Variants in PTPRD observed in about 807,000 individuals in gnomAD.
The protein encoded by PTPRD is receptor-type tyrosine-protein phosphatase delta.
PTPRD carries 34 observed loss-of-function variants against 214.5 expected under a neutral mutation model. That is an observed-to-expected ratio of 0.16 (90% CI 0.12 to 0.21). The LOEUF (loss-of-function observed/expected upper bound fraction) is 0.21, where lower values mean the gene tolerates loss of function less well. Among genes scored for constraint, PTPRD ranks in the 10% least tolerant of loss-of-function variants. The pLI, the probability that PTPRD is intolerant of heterozygous loss-of-function variation, is 1.00. For missense variants in PTPRD, 2,545 were observed against 2,398.7 expected (o/e 1.06, Z -1.27); for synonymous variants, 1,128 against 845.7 (o/e 1.33, Z -5.79).
At chr9:10,071,801 G>A (rs1025333163) in intron 3 of PTPRD, among the ~76,000 whole-genome samples, 2 of 151,848 alleles carry the variant, frequency 1.3e-5, no homozygotes, top group African/African-American at 4.8e-5. Context: ...AAAAAAAACA[G>A]AGATAATCAA....
intron 3 of PTPRD, among the ~76,000 whole-genome samples, chr9:10,234,982 ATG>A (rs1323024990): frequency 1.3e-5 from 2 of 150,530 alleles, no homozygotes; most frequent in African/African-American, 2.4e-5. Flanking sequence ...TACAATTATT[ATG>A]TGTGTGTTTA....
At chr9:10,547,448 T>G (rs149855532) in intron 2 of PTPRD, among the ~76,000 whole-genome samples, 144 of 152,110 alleles carry the variant, frequency 9.5e-4, no homozygotes, top group African/African-American at 3.3e-3. Context: ...AAAACATTAG[T>G]CTTTTGATAC....
At chr9:8,477,689 A>G (rs928418611) in intron 30 of PTPRD, among the ~76,000 whole-genome samples, 6 of 152,076 alleles carry the variant, frequency 3.9e-5, no homozygotes, top group African/African-American at 1.2e-4. Context: ...CTAAACACAC[A>G]CTTCTGTGAT....
intron 2 of PTPRD, among the ~76,000 whole-genome samples, chr9:10,440,684 AT>A (rs1181341989): frequency 6.6e-6 from 1 of 151,752 alleles, no homozygotes; most frequent in Non-Finnish European, 1.5e-5. Context: ...TGGACAGATC[AT>A]TTCACCTCGA....
intron 11 of PTPRD, among the ~76,000 whole-genome samples, chr9:8,828,916 A>T (rs1601158847): frequency 6.6e-6 from 1 of 152,162 alleles, no homozygotes; most frequent in Non-Finnish European, 1.5e-5. Flanking sequence ...TCTTCACAGC[A>T]TATGTGGACA....
At chr9:9,252,150 G>C (rs988428711) in intron 9 of PTPRD, among the ~76,000 whole-genome samples, 62 of 152,032 alleles carry the variant, frequency 4.1e-4, no homozygotes, top group African/African-American at 1.5e-3. Flanking sequence ...CCCAAAATAT[G>C]CCTCTTTGGC....
At chr9:9,232,713 G>A (rs1456716437) in intron 9 of PTPRD, among the ~76,000 whole-genome samples, 3 of 151,838 alleles carry the variant, frequency 2.0e-5, no homozygotes, top group African/African-American at 7.3e-5. Flanking sequence ...ATCTGCTAGG[G>A]CTCATGAAAC....
At chr9:9,676,556 T>C (rs2096934652) in intron 7 of PTPRD, among the ~76,000 whole-genome samples, 1 of 152,144 alleles carries the variant, frequency 6.6e-6, no homozygotes, top group African/African-American at 2.4e-5. Flanking sequence ...TTCCAAGTCT[T>C]TGTTATTGTG....
At chr9:8,523,145 T>C (rs1004690579) in intron 19 of PTPRD, among the ~76,000 whole-genome samples, 3 of 151,944 alleles carry the variant, frequency 2.0e-5, no homozygotes, top group Non-Finnish European at 1.5e-5. Context: ...ATGCTTGGGA[T>C]TAGGGGAGAA....
At chr9:9,837,288 C>G (rs750573189) in intron 5 of PTPRD, among the ~76,000 whole-genome samples, 6 of 152,040 alleles carry the variant, frequency 3.9e-5, no homozygotes, top group Non-Finnish European at 1.5e-5. Flanking sequence ...AAATATGGGA[C>G]TATTCTTTTG....
intron 11 of PTPRD, among the ~76,000 whole-genome samples, chr9:8,825,270 T>A (rs977497711): frequency 6.6e-6 from 1 of 152,236 alleles, no homozygotes; most frequent in Non-Finnish European, 1.5e-5. Context: ...TTATTGGCTT[T>A]ACAAGTTAAG....
At chr9:9,701,805 A>G (rs1260268937) in intron 7 of PTPRD, among the ~76,000 whole-genome samples, 3 of 152,136 alleles carry the variant, frequency 2.0e-5, no homozygotes, top group Non-Finnish European at 4.4e-5. Flanking sequence ...CTTTCTATAT[A>G]AACTGATAAG....
chr9:10,593,232 G>T (rs555494928), intron 2 of PTPRD, among the ~76,000 whole-genome samples: 2 of 151,936 alleles, frequency 1.3e-5, no homozygotes, highest in Non-Finnish European at 2.9e-5. Flanking sequence ...AAATAATGGC[G>T]ATAATTCAAA....
chr9:9,927,446 C>T (rs893052542), intron 5 of PTPRD, among the ~76,000 whole-genome samples: 1 of 152,126 alleles, frequency 6.6e-6, no homozygotes, highest in Non-Finnish European at 1.5e-5. Context: ...CCAGCCCACA[C>T]ATCTGCCCTA....
At chr9:9,817,227 C>T (rs1028230595) in intron 5 of PTPRD, among the ~76,000 whole-genome samples, 66 of 152,192 alleles carry the variant, frequency 4.3e-4, no homozygotes, top group Admixed American at 3.5e-3. Flanking sequence ...AAACTCATTG[C>T]TAAATCTTTT....
intron 39 of PTPRD, among the ~76,000 whole-genome samples, chr9:8,354,110 ATT>A (rs910801007): frequency 6.6e-6 from 1 of 151,416 alleles, no homozygotes; most frequent in African/African-American, 2.4e-5. Flanking sequence ...ATAAATTGAA[ATT>A]TTTAATACCT....
At chr9:8,969,938 T>C (rs953117162) in intron 11 of PTPRD, among the ~76,000 whole-genome samples, 2 of 152,000 alleles carry the variant, frequency 1.3e-5, no homozygotes, top group South Asian at 2.1e-4. Context: ...TCATCATAGA[T>C]GAAAGCATGG....
chr9:10,497,587 T>A (rs2042443634), intron 2 of PTPRD, among the ~76,000 whole-genome samples: 1 of 152,112 alleles, frequency 6.6e-6, no homozygotes, highest in Non-Finnish European at 1.5e-5. Flanking sequence ...TTTTAGAATA[T>A]TCTTTAATGT....
intron 10 of PTPRD, among the ~76,000 whole-genome samples, chr9:9,162,841 G>A (rs947563339): frequency 1.3e-5 from 2 of 151,856 alleles, no homozygotes; most frequent in Non-Finnish European, 2.9e-5. Flanking sequence ...CCTGCAATAT[G>A]CCAACAACCC....
Sources: gnomAD v4.1 joint callset for allele counts (sites outside exome capture counted in the v4.1 genomes callset) on GRCh38, gnomAD v4.1.1 for gene constraint, MANE v1.5 for transcripts, NCBI Gene and HGNC (gene_info 2026-07-23, HGNC 2026-07-21) for gene names.